Variants in TBC1D30 observed in about 807,000 individuals in gnomAD.
TBC1D30 encodes TBC1 domain family, member 30.
TBC1D30 carries 31 observed loss-of-function variants against 63.2 expected under a neutral mutation model. The observed-to-expected ratio is 0.49, with a 90% CI of 0.37 to 0.66. The LOEUF is 0.66. Among genes scored for constraint, TBC1D30 ranks in the 30% least tolerant of loss-of-function variants. The pLI is 0.00. For missense variants in TBC1D30, 810 were observed against 953.6 expected, an observed-to-expected ratio of 0.85 and a Z score of 1.98; for synonymous variants, 307 against 361.5, an observed-to-expected ratio of 0.85 and a Z score of 1.71.
At chr12:64,874,016 A>T (rs141260957) in intron 11 of TBC1D30, among the ~76,000 whole-genome samples, 74 of 152,280 alleles carry the variant, frequency 4.9e-4, no homozygotes, top group African/African-American at 1.7e-3. Flanking sequence ...CTGCATTGGA[A>T]ATAGGAGTCT....
rs1375865838 is a variant in TBC1D30 at position 64,875,126 on chromosome 12, C to G, written c.1624C>G (p.Pro542Ala). 1 of 1,536,328 alleles carries G rather than the reference C, an allele frequency of 6.5e-7. No homozygotes were observed. The highest frequency in any genetic ancestry group is 1.4e-5 in the African/African-American group (1 of 73,008). ...TGCCAAGAATGCTGTCATCCACATC[C>G]CTGGTCACACAGGAGGGAAAATATC... ...RAAKNAVIHI[P>A]GHTGGKISPV... is the part of the protein sequence containing the mutation. Residue 542 changes from proline (P) to alanine (A), a missense_variant, in exon 12 of 12, where the codon CCT becomes GCT. Transcript: ENST00000539867.
rs116935904 is a variant in TBC1D30 at position 64,807,869 on chromosome 12, C to T, written c.644-19966C>T. On this transcript the variant is annotated intron_variant, in intron 2 of 12. Coordinates refer to the TBC1D30 transcript ENST00000542120. ...CAAGGAAGGCATCTTCCTGCCTCAG[C>T]CTCCTGAGTAGCTGGGACTACAGGC... Among the ~76,000 whole-genome samples, 200 of 150,956 alleles carry T rather than the reference C, an allele frequency of 1.3e-3. 7 individuals carry two copies. In the East Asian group the frequency reaches 0.034, roughly 26 times the overall value.
upstream of TBC1D30, among the ~76,000 whole-genome samples, chr12:64,824,058 C>A (rs1379442498): frequency 1.5e-5 from 2 of 135,944 alleles, no homozygotes; most frequent in Non-Finnish European, 1.5e-5. Context: ...GTGAATATTG[C>A]CGTTTGAGAA....
At chr12:64,844,001 C>T (rs745787021) in intron 8 of TBC1D30, among the ~76,000 whole-genome samples, 26 of 152,172 alleles carry the variant, frequency 1.7e-4, no homozygotes, top group Non-Finnish European at 3.2e-4. Context: ...GTTATGTTGC[C>T]TAGGCTAGTC....
intron 2 of TBC1D30, among the ~76,000 whole-genome samples, chr12:64,797,502 G>A (rs1290956798): frequency 1.3e-5 from 2 of 152,108 alleles, no homozygotes; most frequent in East Asian, 3.8e-4. Flanking sequence ...TGCACATTCT[G>A]TCTCTGCATC....
chr12:64,834,353 A>C (rs2136378952), intron 5 of TBC1D30, among the ~76,000 whole-genome samples: 1 of 146,506 alleles, frequency 6.8e-6, no homozygotes, highest in South Asian at 2.2e-4. Context: ...CAAATCTTTC[A>C]TTTTCAACCT....
Position 64,793,489 on chromosome 12 carries a change from C to CAA in TBC1D30, c.643+7461_643+7462dup, listed in dbSNP as rs56138627. Among the ~76,000 whole-genome samples, 245 of 115,478 alleles carry CAA rather than the reference C, an allele frequency of 2.1e-3. 3 individuals carry two copies. Among genetic ancestry groups the CAA allele is most frequent in the African/African-American group, 7.4e-3 (224 of 30,262 alleles). 75.8% of individuals were successfully genotyped at this position (115,478 alleles called of 152,430 possible). A position where few individuals can be genotyped will look rare whatever the true frequency, so the allele number is the denominator to read the frequency against. ...TGAAACCCCGTCTCTACCAAAAATA[C>CAA]AAAAAAAAAAAAAAAAAAGAATTAG... On this transcript the variant is annotated intron_variant, in intron 2 of 12. Transcript: ENST00000542120.
chr12:64,769,229 A>G (rs1870818787), intron 1 of TBC1D30, among the ~76,000 whole-genome samples: 1 of 151,394 alleles, frequency 6.6e-6, no homozygotes, highest in Non-Finnish European at 1.5e-5. Flanking sequence ...TTTTTGAGTC[A>G]GAGTCTCACT....
chr12:64,846,124 G>A (rs1876357281), intron 8 of TBC1D30, among the ~76,000 whole-genome samples: 1 of 151,124 alleles, frequency 6.6e-6, no homozygotes, highest in East Asian at 2.0e-4. Flanking sequence ...TGAGTAGTTT[G>A]CAAATATTTT....
At chr12:64,769,209 GA>G (rs1019801954) in intron 1 of TBC1D30, among the ~76,000 whole-genome samples, 109 of 151,496 alleles carry the variant, frequency 7.2e-4, no homozygotes, top group African/African-American at 2.5e-3. Context: ...GATTCCTGTA[GA>G]TTTTTTTTTT....
intron 2 of TBC1D30, among the ~76,000 whole-genome samples, chr12:64,791,350 G>A (rs1208764030): frequency 2.6e-5 from 4 of 152,114 alleles, no homozygotes; most frequent in Non-Finnish European, 5.9e-5. Context: ...GGTGATGGTT[G>A]TACAATTTTA....
intron 1 of TBC1D30, among the ~76,000 whole-genome samples, chr12:64,784,916 G>T (rs1871475620): frequency 1.3e-5 from 2 of 151,604 alleles, no homozygotes; most frequent in Admixed American, 1.3e-4. Flanking sequence ...TATGAATGTA[G>T]AATTATTGTA....
At chr12:64,847,540 T>C (rs951085118) in intron 8 of TBC1D30, among the ~76,000 whole-genome samples, 1 of 152,046 alleles carries the variant, frequency 6.6e-6, no homozygotes, top group Admixed American at 6.6e-5. Context: ...CTCTTAGTAC[T>C]GCTTTCACTG....
intron 2 of TBC1D30, among the ~76,000 whole-genome samples, chr12:64,797,084 A>G (rs1159061630): frequency 1.3e-5 from 2 of 150,584 alleles, no homozygotes; most frequent in African/African-American, 4.9e-5. Flanking sequence ...GCTTTGCTGC[A>G]TATTGGAATC....
chr12:64,875,945 AG>A lies in TBC1D30; in HGVS notation c.*159del. On this transcript the variant is annotated 3_prime_UTR_variant, in exon 12 of 12. Coordinates refer to ENST00000539867, the MANE Select transcript of TBC1D30 (RefSeq NM_015279.2). ...AAATGGGAACTGGAAGTTTTATAAT[AG>A]GAGTTAGAACAGGGCTGTTTTCCCA... The A allele has an allele frequency of 1.4e-6, 1 of 734,152 alleles. No homozygotes were observed. Among genetic ancestry groups the A allele is most frequent in the South Asian group, 2.2e-5 (1 of 45,316 alleles). 45.5% of individuals were successfully genotyped at this position (734,152 alleles called of 1,614,324 possible).
At chr12:64,802,008 C>T (rs2136317422) in intron 2 of TBC1D30, among the ~76,000 whole-genome samples, 1 of 102,712 alleles carries the variant, frequency 9.7e-6, no homozygotes, top group Middle Eastern at 4.7e-3. Context: ...GATGAAACAT[C>T]ATTTTTCTTT....
chr12:64,823,244 TAAC>T (rs1343982302), upstream of TBC1D30, among the ~76,000 whole-genome samples: 10 of 152,318 alleles, frequency 6.6e-5, no homozygotes, highest in Admixed American at 2.0e-4. Context: ...ATATTATTAA[TAAC>T]AATAATACTA....
At chr12:64,851,237 A>C (rs1876847431) in intron 8 of TBC1D30, among the ~76,000 whole-genome samples, 1 of 151,710 alleles carries the variant, frequency 6.6e-6, no homozygotes, top group Non-Finnish European at 1.5e-5. Context: ...GGATTCATTG[A>C]TTTTTTTTGA....
At chr12:64,776,231 C>G (rs1871075558), upstream of TBC1D30, among the ~76,000 whole-genome samples, 1 of 152,030 alleles carries the variant, frequency 6.6e-6, no homozygotes, top group South Asian at 2.1e-4. Context: ...CAAACAAATC[C>G]CAAAGCTAGC....
Sources: allele counts gnomAD v4.1 joint callset (sites outside exome capture counted in the v4.1 genomes callset), GRCh38; gene constraint gnomAD v4.1.1; transcripts MANE v1.5; gene names NCBI Gene and HGNC (gene_info 2026-07-23, HGNC 2026-07-21).